The following TUSC3 variants were observed in gnomAD, a reference collection of about 807,000 sequenced individuals.
The protein encoded by TUSC3 is dolichyl-diphosphooligosaccharide--protein glycosyltransferase subunit TUSC3.
A neutral mutation model predicts 44.8 loss-of-function variants in TUSC3; 45 were observed. The ratio of observed to expected loss-of-function variants is 1.00; its 90% CI spans 0.79 to 1.29. TUSC3 has a LOEUF of 1.29. TUSC3 is among the 50% of genes most tolerant of loss of function. The pLI is 0.00. For missense variants in TUSC3, 519 were observed against 437.9 expected, an observed-to-expected ratio of 1.19 and a Z score of -1.65; for synonymous variants, 212 against 152.9, an observed-to-expected ratio of 1.39 and a Z score of -2.85.
chr8:15,847,157 TGGAAGCAGGG>T, the TUSC3 span, among the ~76,000 whole-genome samples: 1 of 152,146 alleles, frequency 6.6e-6, no homozygotes, highest in Non-Finnish European at 1.5e-5. Flanking sequence ...TTGCAGGGAC[TGGAAGCAGGG>T]AGAGGCAGGG....
At chr8:15,690,161 C>T (rs902977578) in intron 6 of TUSC3, among the ~76,000 whole-genome samples, 6 of 152,226 alleles carry the variant, frequency 3.9e-5, no homozygotes, top group African/African-American at 1.4e-4. Context: ...TTCTCTTCCA[C>T]AATCTCGCCA....
intron 1 of TUSC3, among the ~76,000 whole-genome samples, chr8:15,430,673 A>G (rs1799862369): frequency 2.0e-5 from 3 of 151,608 alleles, no homozygotes; most frequent in Non-Finnish European, 4.4e-5. Flanking sequence ...CAATTAGGAA[A>G]AGAGGCAGTC....
chr8:15,505,352 G>A (rs901855902), intron 2 of TUSC3, among the ~76,000 whole-genome samples: 2 of 152,182 alleles, frequency 1.3e-5, no homozygotes, highest in Non-Finnish European at 2.9e-5. Flanking sequence ...TGTTATAATG[G>A]CATTGTGCCA....
chr8:15,440,978 G>A (rs1282271064), intron 1 of TUSC3, among the ~76,000 whole-genome samples: 2 of 152,190 alleles, frequency 1.3e-5, no homozygotes, highest in African/African-American at 4.8e-5. Context: ...ATGTAGAGGT[G>A]CTGGAGGCAA....
At chr8:15,419,248 T>C (rs899320693) in intron 1 of TUSC3, among the ~76,000 whole-genome samples, 3 of 152,178 alleles carry the variant, frequency 2.0e-5, no homozygotes, top group Non-Finnish European at 4.4e-5. Flanking sequence ...AAAAATACTT[T>C]CACCAATTGT....
At chr8:15,830,831 A>C in the TUSC3 span, among the ~76,000 whole-genome samples, 1 of 152,166 alleles carries the variant, frequency 6.6e-6, no homozygotes, top group Non-Finnish European at 1.5e-5. Flanking sequence ...TGATGGGTAC[A>C]CTAGAAGCTT....
At chr8:15,556,611 G>T (rs1042475146) in intron 1 of TUSC3, among the ~76,000 whole-genome samples, 3 of 145,948 alleles carry the variant, frequency 2.1e-5, no homozygotes, top group South Asian at 2.3e-4. Context: ...CTAGTTTACA[G>T]TCCCACCAAC....
chr8:15,719,847 T>C (rs975758272), intron 6 of TUSC3, among the ~76,000 whole-genome samples: 3 of 152,108 alleles, frequency 2.0e-5, no homozygotes, highest in African/African-American at 7.2e-5. Context: ...CAGCCTGGTA[T>C]GGAGCCAGAG....
At chr8:15,653,517 G>A (rs536200139) in intron 3 of TUSC3, among the ~76,000 whole-genome samples, 11 of 152,210 alleles carry the variant, frequency 7.2e-5, no homozygotes, top group East Asian at 1.9e-4. Flanking sequence ...AAAGTTTGGC[G>A]TATAAGAGTT....
At chr8:15,726,877 C>T (rs1810516538) in intron 6 of TUSC3, among the ~76,000 whole-genome samples, 1 of 152,140 alleles carries the variant, frequency 6.6e-6, no homozygotes, top group African/African-American at 2.4e-5. Flanking sequence ...TTAATGGTTT[C>T]TCAAAATATT....
chr8:15,851,580 G>A, the TUSC3 span, among the ~76,000 whole-genome samples: 2 of 152,308 alleles, frequency 1.3e-5, no homozygotes, highest in African/African-American at 4.8e-5. Flanking sequence ...TGGGACACGT[G>A]AGCGTCATGG....
intron 1 of TUSC3, among the ~76,000 whole-genome samples, chr8:15,584,680 A>G (rs1181271946): frequency 6.6e-6 from 1 of 151,826 alleles, no homozygotes; most frequent in Non-Finnish European, 1.5e-5. Flanking sequence ...TGCCCGTTGG[A>G]TCTGGAATAT....
chr8:15,619,968 A>T (rs1173674973), intron 1 of TUSC3, among the ~76,000 whole-genome samples: 1 of 152,210 alleles, frequency 6.6e-6, no homozygotes, highest in Non-Finnish European at 1.5e-5. Context: ...AGGCTGAGGC[A>T]TGAGAATCCC....
intron 1 of TUSC3, among the ~76,000 whole-genome samples, chr8:15,594,696 A>G (rs1319038562): frequency 2.0e-5 from 3 of 152,186 alleles, no homozygotes. Context: ...GGGAACAGGC[A>G]CTATTACTGG....
chr8:15,521,076 T>G lies in TUSC3; in HGVS notation n.189+37593T>G, dbSNP rs904143810. Among the ~76,000 whole-genome samples, 5 of 152,186 alleles carry G rather than the reference T, an allele frequency of 3.3e-5. No homozygotes were observed. The East Asian group carries it at 9.6e-4, about 29-fold the overall frequency. ...GACGAGTAGATGAGTTTATTAGGAC[T>G]TACATACAGGGCATTCCTGGATGGC... On this transcript the variant is annotated intron_variant and non_coding_transcript_variant, in intron 2 of 5. Transcript: ENST00000503191.
At chr8:15,796,785 T>C in the TUSC3 span, among the ~76,000 whole-genome samples, 1 of 152,310 alleles carries the variant, frequency 6.6e-6, no homozygotes, top group Admixed American at 6.5e-5. Flanking sequence ...CCTGGATGCA[T>C]TCATAAATAT....
At chr8:15,644,271 T>C (rs1806521787) in intron 2 of TUSC3, among the ~76,000 whole-genome samples, 1 of 152,214 alleles carries the variant, frequency 6.6e-6, no homozygotes, top group Non-Finnish European at 1.5e-5. Flanking sequence ...CCTGGATCCT[T>C]TTGACGCAGC....
chr8:15,734,919 T>C (rs569642914), intron 7 of TUSC3, among the ~76,000 whole-genome samples: 8 of 152,186 alleles, frequency 5.3e-5, no homozygotes, highest in Admixed American at 2.6e-4. Flanking sequence ...GGCTGGATAA[T>C]GAAGACCTTG....
intron 1 of TUSC3, among the ~76,000 whole-genome samples, chr8:15,457,575 T>C (rs887413364): frequency 1.5e-4 from 22 of 150,826 alleles, no homozygotes; most frequent in African/African-American, 5.3e-4. Context: ...GCACATACGC[T>C]ACGAGAAAAA....
Sources: gnomAD v4.1 joint callset for allele counts (sites outside exome capture counted in the v4.1 genomes callset) on GRCh38, gnomAD v4.1.1 for gene constraint, MANE v1.5 for transcripts, NCBI Gene and HGNC (gene_info 2026-07-23, HGNC 2026-07-21) for gene names.